Variants in KCNMA1 observed in about 807,000 individuals in gnomAD.
KCNMA1 encodes potassium calcium-activated channel subfamily M alpha 1, also known as Calcium-activated potassium channel subunit alpha-1.
Under a neutral mutation model 140.0 loss-of-function variants are expected in KCNMA1, and 29 were observed. That is an observed-to-expected ratio of 0.21 (90% CI 0.15 to 0.28). The LOEUF (loss-of-function observed/expected upper bound fraction) is 0.28. KCNMA1 is among the 10% of genes least tolerant of loss of function. The pLI, the probability that KCNMA1 is intolerant of heterozygous loss-of-function variation, is 1.00. For synonymous variants in KCNMA1, 612 were observed against 611.9 expected (o/e 1.00, Z 0.00); for missense variants, 880 against 1,602.2 (o/e 0.55, Z 7.70).
At chr10:77,257,736 T>C (rs1469012987) in intron 2 of KCNMA1, among the ~76,000 whole-genome samples, 1 of 152,150 alleles carries the variant, frequency 6.6e-6, no homozygotes, top group Non-Finnish European at 1.5e-5. Context: ...GTTCCTGTGA[T>C]AGTGAATAAG....
intron 5 of KCNMA1, among the ~76,000 whole-genome samples, chr10:77,172,354 C>A (rs2098715219): frequency 6.6e-6 from 1 of 152,152 alleles, no homozygotes; most frequent in Non-Finnish European, 1.5e-5. Context: ...TGGCATATAA[C>A]AGAGCCATGC....
intron 2 of KCNMA1, among the ~76,000 whole-genome samples, chr10:77,287,198 T>C (rs148032760): frequency 6.6e-6 from 1 of 152,326 alleles, no homozygotes; most frequent in East Asian, 1.9e-4. Flanking sequence ...AAGACAACAC[T>C]TGGAGGGAGT....
chr10:77,133,723 G>A (rs1320747838), intron 5 of KCNMA1, among the ~76,000 whole-genome samples: 2 of 152,080 alleles, frequency 1.3e-5, no homozygotes. Context: ...AATCCCTTGG[G>A]ATATATTCGT....
At chr10:77,162,055 G>A (rs1341129583) in intron 5 of KCNMA1, among the ~76,000 whole-genome samples, 2 of 151,930 alleles carry the variant, frequency 1.3e-5, no homozygotes, top group Non-Finnish European at 2.9e-5. Flanking sequence ...ATATCAAGAA[G>A]CACACTGATT....
chr10:77,449,032 A>G (rs1284360639), intron 1 of KCNMA1, among the ~76,000 whole-genome samples: 1 of 151,764 alleles, frequency 6.6e-6, no homozygotes, highest in East Asian at 1.9e-4. Flanking sequence ...GGTTGCAGTG[A>G]GCCGAGATCG....
intron 1 of KCNMA1, among the ~76,000 whole-genome samples, chr10:77,404,856 A>G (rs2096414650): frequency 6.6e-6 from 1 of 152,180 alleles, no homozygotes; most frequent in Non-Finnish European, 1.5e-5. Context: ...CCAAGCCAAT[A>G]AGACTCAAGC....
intron 2 of KCNMA1, among the ~76,000 whole-genome samples, chr10:77,365,474 A>G (rs982628491): frequency 6.6e-6 from 1 of 152,172 alleles, no homozygotes; most frequent in African/African-American, 2.4e-5. Context: ...CTCTCAATCA[A>G]TGGTAGAACT....
chr10:77,390,361 G>A (rs1490760124), intron 2 of KCNMA1, among the ~76,000 whole-genome samples: 1 of 151,944 alleles, frequency 6.6e-6, no homozygotes, highest in Non-Finnish European at 1.5e-5. Context: ...CCAAGGGCCA[G>A]AGAGACACAC....
At chr10:77,392,051 A>G in intron 2 of KCNMA1, among the ~76,000 whole-genome samples, 1 of 149,410 alleles carries the variant, frequency 6.7e-6, no homozygotes, top group Non-Finnish European at 1.5e-5. Context: ...CAGACATTTC[A>G]TTTCCTGAAA....
At chr10:77,107,299 G>A in intron 9 of KCNMA1, among the ~76,000 whole-genome samples, 1 of 152,232 alleles carries the variant, frequency 6.6e-6, no homozygotes. Context: ...CCATGACTGG[G>A]AAGAGGCATG....
intron 1 of KCNMA1, among the ~76,000 whole-genome samples, chr10:77,451,319 A>C (rs1274674094): frequency 6.6e-6 from 1 of 152,166 alleles, no homozygotes; most frequent in Non-Finnish European, 1.5e-5. Flanking sequence ...TCGGGCAGAT[A>C]AAAAGAGGAA....
chr10:77,596,372 A>G (rs952152398), intron 1 of KCNMA1, among the ~76,000 whole-genome samples: 1 of 152,178 alleles, frequency 6.6e-6, no homozygotes, highest in Admixed American at 6.5e-5. Flanking sequence ...GCATAAAAAG[A>G]CTCATACACA....
chr10:76,899,834 T>C (rs570418045), intron 25 of KCNMA1, among the ~76,000 whole-genome samples: 1 of 152,310 alleles, frequency 6.6e-6, no homozygotes, highest in African/African-American at 2.4e-5. Context: ...ACATGAATAT[T>C]GTGCTTTCAG....
chr10:77,233,857 T>C (rs754175988), intron 3 of KCNMA1, among the ~76,000 whole-genome samples: 6 of 152,194 alleles, frequency 3.9e-5, no homozygotes, highest in Non-Finnish European at 7.3e-5. Context: ...TCTTTGACTT[T>C]TATTCCCCAG....
intron 23 of KCNMA1, among the ~76,000 whole-genome samples, chr10:76,916,709 T>C: frequency 6.6e-6 from 1 of 152,218 alleles, no homozygotes; most frequent in East Asian, 1.9e-4. Context: ...TCTGACTCAC[T>C]TTCCAGCAAT....
chr10:77,561,969 C>T (rs2066542169), intron 1 of KCNMA1, among the ~76,000 whole-genome samples: 1 of 152,182 alleles, frequency 6.6e-6, no homozygotes, highest in Non-Finnish European at 1.5e-5. Flanking sequence ...ATATAGAATT[C>T]AACAGCCTCA....
Position 77,461,030 on chromosome 10 carries a change from C to T in KCNMA1, c.379-57007G>A, listed in dbSNP as rs370925468. On this transcript the variant is annotated intron_variant, in intron 1 of 27. Coordinates refer to ENST00000286628, the MANE Select transcript of KCNMA1 (RefSeq NM_001161352.2). The stretch of plus-strand genomic sequence containing the variant: ...CTGAGGCAGGAGAATTACTTGAACA[C>T]GGGAGGCAGAGGTTGCAGTAAGCCA... 4.6e-5 allele frequency among the ~76,000 whole-genome samples: 7 copies of T among 151,868 alleles called. No homozygotes were observed. In the East Asian group the frequency reaches 5.8e-4, roughly 13 times the overall value.
intron 14 of KCNMA1, among the ~76,000 whole-genome samples, chr10:77,053,532 A>G (rs1004460117): frequency 6.6e-6 from 1 of 152,176 alleles, no homozygotes; most frequent in Non-Finnish European, 1.5e-5. Flanking sequence ...AAATGTATTC[A>G]GTCAGAAAAT....
intron 19 of KCNMA1, chr10:76,995,820 G>A (rs897870011): frequency 1.5e-5 from 6 of 391,000 alleles, no homozygotes; most frequent in East Asian, 7.2e-5. Context: ...TTAAAGAGCC[G>A]AGTCATTTAT....
Sources: allele counts gnomAD v4.1 joint callset (sites outside exome capture counted in the v4.1 genomes callset), GRCh38; gene constraint gnomAD v4.1.1; transcripts MANE v1.5; gene names NCBI Gene and HGNC (gene_info 2026-07-23, HGNC 2026-07-21).